WWOX: variants seen among roughly 807,000 people sequenced by gnomAD.
The protein encoded by WWOX is WW domain containing oxidoreductase.
Under a neutral mutation model 46.2 loss-of-function variants are expected in WWOX, and 69 were observed. The observed-to-expected ratio is 1.49, with a 90% CI of 1.23 to 1.82. The LOEUF (loss-of-function observed/expected upper bound fraction) is 1.82, where lower values mean the gene tolerates loss of function less well. Ranked by LOEUF, WWOX falls within the 40% of genes most tolerant of loss-of-function variation. The probability of loss-of-function intolerance (pLI) is 0.00; values close to 1 mark genes in which losing one functional copy is unlikely to be tolerated. For synonymous variants in WWOX, 359 were observed against 202.6 expected, an observed-to-expected ratio of 1.77 and a Z score of -6.56; for missense variants, 919 against 542.6, an observed-to-expected ratio of 1.69 and a Z score of -6.89.
chr16:78,709,967 G>C (rs147598946), intron 8 of WWOX, among the ~76,000 whole-genome samples: 1,723 of 152,198 alleles, frequency 0.011, 38 homozygotes, highest in African/African-American at 0.039. Context: ...CTGATCTCAG[G>C]TGTTCCACCC....
chr16:79,032,208 A>G (rs12444580), intron 8 of WWOX, among the ~76,000 whole-genome samples: 1,494 of 146,156 alleles, frequency 0.01, 19 homozygotes, highest in Middle Eastern at 0.025. Context: ...ATATATATGT[A>G]TATACACATA....
intron 8 of WWOX, among the ~76,000 whole-genome samples, chr16:78,945,893 G>A (rs2045939828): frequency 6.6e-6 from 1 of 152,004 alleles, no homozygotes; most frequent in Non-Finnish European, 1.5e-5. Context: ...TCCTTTAACT[G>A]CCCTTGTGAC....
intron 8 of WWOX, among the ~76,000 whole-genome samples, chr16:79,102,498 A>G (rs2049221844): frequency 6.6e-6 from 1 of 152,220 alleles, no homozygotes; most frequent in Non-Finnish European, 1.5e-5. Context: ...GCATTTACCA[A>G]ACATCATGCT....
At chr16:78,791,427 G>A (rs2550595) in intron 8 of WWOX, among the ~76,000 whole-genome samples, 134,569 of 152,106 alleles carry the variant, frequency 0.88, 60,476 homozygotes, top group Non-Finnish European at 0.96. Flanking sequence ...CTCCTGAAAC[G>A]TAATTTGGAG....
intron 8 of WWOX, among the ~76,000 whole-genome samples, chr16:79,096,169 C>G (rs954384556): frequency 2.0e-5 from 3 of 151,890 alleles, no homozygotes; most frequent in Non-Finnish European, 4.4e-5. Context: ...AGCCTGACCA[C>G]AGTCCTTTCT....
At position 78,387,508 on chromosome 16, in the gene WWOX, C is replaced by G. The variant is rs376676788; in HGVS notation, c.605+560C>G. On this transcript the variant is annotated intron_variant, in intron 6 of 8. Coordinates refer to ENST00000566780, the MANE Select transcript of WWOX (RefSeq NM_016373.4). ...AGTTGGAGAAAGCCTTAGTTAGGGC[C>G]TAGCATATTTTGATCCTATCATATG... Among the ~76,000 whole-genome samples the G allele has an allele frequency of 6.6e-5, 10 of 152,104 alleles. No homozygotes were observed. The East Asian group carries it at 7.8e-4, about 12-fold the overall frequency.
chr16:78,173,960 AG>A (rs2035248737), intron 5 of WWOX, among the ~76,000 whole-genome samples: 1 of 130,474 alleles, frequency 7.7e-6, no homozygotes, highest in Non-Finnish European at 1.7e-5. Context: ...AGAGGAATTG[AG>A]AGAGAGAGAG....
chr16:78,792,332 C>T lies in WWOX; in HGVS notation c.1056+359580C>T, dbSNP rs2050627254. Among the ~76,000 whole-genome samples, 3 of 152,146 alleles carry T rather than the reference C, an allele frequency of 2.0e-5. No individual in the cohort carries two copies. The South Asian group carries it at 6.2e-4, about 32-fold the overall frequency. On this transcript the variant is annotated intron_variant, in intron 8 of 8. Transcript: ENST00000566780. ...CCCCACCTTGGATCTCTCTCCTCTA[C>T]TTCCCACATGTATCCTTTTCATGGT...
intron 4 of WWOX, among the ~76,000 whole-genome samples, chr16:78,134,017 A>G (rs1363826508): frequency 6.6e-6 from 1 of 152,200 alleles, no homozygotes; most frequent in African/African-American, 2.4e-5. Context: ...CAATGTACCT[A>G]GACTGTTTCC....
intron 8 of WWOX, among the ~76,000 whole-genome samples, chr16:78,643,693 G>A (rs746261294): frequency 6.6e-6 from 1 of 152,084 alleles, no homozygotes; most frequent in Non-Finnish European, 1.5e-5. Flanking sequence ...GTCTCACTAT[G>A]ATATACGGGT....
chr16:78,818,352 C>T (rs962604033), intron 8 of WWOX, among the ~76,000 whole-genome samples: 1 of 152,206 alleles, frequency 6.6e-6, no homozygotes, highest in African/African-American at 2.4e-5. Flanking sequence ...CAGCCCTTCT[C>T]TGTTGATTAG....
At chr16:79,067,846 A>G (rs2150559848) in intron 8 of WWOX, among the ~76,000 whole-genome samples, 1 of 152,290 alleles carries the variant, frequency 6.6e-6, no homozygotes, top group African/African-American at 2.4e-5. Flanking sequence ...CTGCAAATGA[A>G]AAGTCCTTCC....
rs2049354823 is a variant in WWOX, at chr16:79,108,579, T to C, written c.1057-103029T>C. ...CATACTTAAGGGTGATTGGCTATTTTCATCATCAAGAAAAACATTGCTTTA... is the reference window on the plus strand; with the variant it reads ...CATACTTAAGGGTGATTGGCTATTTCCATCATCAAGAAAAACATTGCTTTA... On this transcript the variant is annotated intron_variant, in intron 8 of 8. Coordinates refer to ENST00000566780, the MANE Select transcript of WWOX (RefSeq NM_016373.4). Among the ~76,000 whole-genome samples the C allele has an allele frequency of 2.6e-5, 4 of 152,350 alleles. No individual in the cohort carries two copies. In the South Asian group the frequency reaches 8.3e-4, roughly 32 times the overall value.
At position 79,081,497 on chromosome 16, in the gene WWOX, C is replaced by T. The variant is rs535263544; in HGVS notation, c.1057-130111C>T. ...CTGCTTTCTGCAGTCATTTTCATGG[C>T]GATGTGTTATAACAGGACAGACCTT... On this transcript the variant is annotated intron_variant, in intron 8 of 8. Coordinates refer to ENST00000566780, the MANE Select transcript of WWOX (RefSeq NM_016373.4). 1.1e-4 allele frequency among the ~76,000 whole-genome samples: 17 copies of T among 152,208 alleles called. No homozygotes were observed. The South Asian group carries it at 1.7e-3, about 15-fold the overall frequency.
chr16:78,747,951 A>G (rs987609271), intron 8 of WWOX, among the ~76,000 whole-genome samples: 6 of 152,186 alleles, frequency 3.9e-5, no homozygotes, highest in African/African-American at 1.2e-4. Context: ...TGCAGCCGAA[A>G]TAACCATGCT....
intron 6 of WWOX, among the ~76,000 whole-genome samples, chr16:78,395,548 A>G (rs1401604497): frequency 6.6e-6 from 1 of 152,058 alleles, no homozygotes; most frequent in Non-Finnish European, 1.5e-5. Context: ...GGGCAGAAAG[A>G]AAGAAGGGAA....
At chr16:78,566,028 C>G (rs945121625) in intron 8 of WWOX, among the ~76,000 whole-genome samples, 2 of 152,096 alleles carry the variant, frequency 1.3e-5, no homozygotes, top group African/African-American at 4.8e-5. Context: ...TCCTCACAGT[C>G]TAGAGGCTGG....
chr16:78,161,192 T>G (rs13338598), intron 4 of WWOX, among the ~76,000 whole-genome samples: 18,478 of 152,170 alleles, frequency 0.12, 1,591 homozygotes, highest in African/African-American at 0.24. Flanking sequence ...ATGTACATTC[T>G]TTTTTAAGGA....
chr16:78,139,651 C>T (rs555986770), intron 4 of WWOX, among the ~76,000 whole-genome samples: 2 of 152,190 alleles, frequency 1.3e-5, no homozygotes, highest in East Asian at 3.9e-4. Flanking sequence ...TCTCTAAATA[C>T]ATAAATAAAT....
Sources: allele counts gnomAD v4.1 joint callset (sites outside exome capture counted in the v4.1 genomes callset), GRCh38; gene constraint gnomAD v4.1.1; transcripts MANE v1.5; gene names NCBI Gene and HGNC (gene_info 2026-07-23, HGNC 2026-07-21).